The following CDIN1 variants were observed in gnomAD, a reference collection of about 807,000 sequenced individuals.
CDIN1 encodes the protein CDAN1 interacting nuclease 1, also known as CDAN1-interacting nuclease 1.
Under a neutral mutation model 45.3 loss-of-function variants are expected in CDIN1, and 33 were observed. That is an observed-to-expected ratio of 0.73 (90% CI 0.55 to 0.97). CDIN1 has a LOEUF of 0.97. CDIN1 is among the 50% of genes least tolerant of loss of function. CDIN1 has a pLI of 0.00. For missense variants in CDIN1, 303 were observed against 339.4 expected, an observed-to-expected ratio of 0.89 and a Z score of 0.84; for synonymous variants, 118 against 124.4, an observed-to-expected ratio of 0.95 and a Z score of 0.34.
At chr15:36,692,016 T>TTTTTTTTG in intron 6 of CDIN1, 110 bp from the exon 7 acceptor site, 3 of 521,030 alleles carry the variant, frequency 5.8e-6, no homozygotes, top group South Asian at 4.3e-5. Flanking sequence ...TTTCTTTTTT[T>TTTTTTTTG]GGGGGGCGGG....
At position 36,797,848 on chromosome 15, in the gene CDIN1, T is replaced by TG. The variant is rs1329475472; in HGVS notation, c.717-10475dup. Among the ~76,000 whole-genome samples, 88 of 151,568 alleles carry TG rather than the reference T, an allele frequency of 5.8e-4. 1 individual carries two copies. The highest frequency in any genetic ancestry group is 1.8e-3 in the African/African-American group (74 of 41,312). ...TACAAAAATTAGCTGGGCATGGTGG[T>TG]GCATGCCTGTAGTCCCAGCTCCTCA... On this transcript the variant is annotated intron_variant, in intron 10 of 10. Coordinates refer to ENST00000566621, the MANE Select transcript of CDIN1 (RefSeq NM_001321759.2).
At chr15:36,597,338 C>A (rs1566820720) in intron 1 of CDIN1, among the ~76,000 whole-genome samples, 1 of 152,196 alleles carries the variant, frequency 6.6e-6, no homozygotes, top group Non-Finnish European at 1.5e-5. Flanking sequence ...TTTCTCAATG[C>A]TCTCAGTGAC....
chr15:36,597,245 C>T (rs1370007083), intron 1 of CDIN1, among the ~76,000 whole-genome samples: 1 of 152,108 alleles, frequency 6.6e-6, no homozygotes, highest in Admixed American at 6.6e-5. Context: ...AGGTAAAATA[C>T]ATTGCTTGTT....
At chr15:36,649,026 C>G (rs2040467780) in intron 3 of CDIN1, among the ~76,000 whole-genome samples, 1 of 152,128 alleles carries the variant, frequency 6.6e-6, no homozygotes, top group African/African-American at 2.4e-5. Flanking sequence ...TTGTATTTAT[C>G]TTTTCTGGAA....
intron 1 of CDIN1, chr15:36,613,405 A>G: frequency 8.4e-7 from 1 of 1,187,266 alleles, no homozygotes; most frequent in Non-Finnish European, 1.2e-6. Context: ...TCAGTTTTGG[A>G]GAGGAGGCTG....
chr15:36,666,937 T>C (rs1428906852), intron 5 of CDIN1, among the ~76,000 whole-genome samples: 1 of 152,192 alleles, frequency 6.6e-6, no homozygotes, highest in African/African-American at 2.4e-5. Flanking sequence ...AACAACTTTA[T>C]AAGTCAAGTA....
chr15:36,682,600 A>C (rs906418398), intron 5 of CDIN1, among the ~76,000 whole-genome samples: 22 of 85,590 alleles, frequency 2.6e-4, no homozygotes, highest in African/African-American at 6.0e-4. Context: ...CTGTCTCTAC[A>C]AAAAAAAAAA....
intron 1 of CDIN1, among the ~76,000 whole-genome samples, chr15:36,621,604 CATCTATGATAA>C (rs1488337036): frequency 6.6e-6 from 1 of 152,156 alleles, no homozygotes; most frequent in Non-Finnish European, 1.5e-5. Flanking sequence ...TCATTGACTA[CATCTATGATAA>C]AAGTGCTTAT....
At chr15:36,724,273 T>C (rs2043540418) in intron 10 of CDIN1, among the ~76,000 whole-genome samples, 1 of 152,172 alleles carries the variant, frequency 6.6e-6, no homozygotes, top group Admixed American at 6.6e-5. Flanking sequence ...AAATAATCCA[T>C]TAATTCCCCA....
chr15:36,635,353 T>G (rs1475163705), intron 1 of CDIN1, among the ~76,000 whole-genome samples: 1 of 152,234 alleles, frequency 6.6e-6, no homozygotes, highest in Non-Finnish European at 1.5e-5. Context: ...CAACATGGGT[T>G]TGAACTGTGT....
chr15:36,728,356 G>C (rs2043714586), intron 10 of CDIN1, among the ~76,000 whole-genome samples: 1 of 151,936 alleles, frequency 6.6e-6, no homozygotes, highest in Non-Finnish European at 1.5e-5. Context: ...AAATAGTTCT[G>C]CCCTGGAAGA....
At chr15:36,709,817 C>A in intron 9 of CDIN1, 39 bp from the exon 10 acceptor site, 1 of 1,535,714 alleles carries the variant, frequency 6.5e-7, no homozygotes, top group Non-Finnish European at 9.0e-7. Context: ...TCAATCTTCC[C>A]CTCCCTTCTC....
rs1269652777 is a variant in CDIN1 at position 36,685,058 on chromosome 15, GC to G, written c.347-6626del. Among the ~76,000 whole-genome samples the G allele has an allele frequency of 1.8e-4, 27 of 151,936 alleles. No homozygotes were observed. The South Asian group carries it at 2.7e-3, about 15-fold the overall frequency. ...CCTGGATTCATTAATTTTTTGAAGG[GC>G]TTTTTGTGTCTCTATTTCCTTCAGT... On this transcript the variant is annotated intron_variant, in intron 5 of 10. Transcript: ENST00000566621.
intron 1 of CDIN1, chr15:36,618,127 T>C (rs984137323): frequency 2.8e-6 from 2 of 723,432 alleles, no homozygotes; most frequent in Non-Finnish European, 5.1e-6. Context: ...ATGGTAGTTT[T>C]GTGAATGGCA....
At chr15:36,693,907 T>A (rs2042334447) in intron 7 of CDIN1, among the ~76,000 whole-genome samples, 1 of 152,190 alleles carries the variant, frequency 6.6e-6, no homozygotes, top group Admixed American at 6.6e-5. Flanking sequence ...ACTTTCCTTT[T>A]TTGGTTGTGT....
At chr15:36,659,309 A>G (rs2040899920) in intron 5 of CDIN1, among the ~76,000 whole-genome samples, 1 of 152,162 alleles carries the variant, frequency 6.6e-6, no homozygotes, top group Non-Finnish European at 1.5e-5. Flanking sequence ...ATTTTGTACC[A>G]TTTTATACAG....
At chr15:36,767,230 A>C (rs2053950652) in intron 10 of CDIN1, among the ~76,000 whole-genome samples, 1 of 152,134 alleles carries the variant, frequency 6.6e-6, no homozygotes, top group Non-Finnish European at 1.5e-5. Context: ...ATCTTGGGAA[A>C]GTTTCCTTCC....
At chr15:36,760,047 T>C (rs551586611) in intron 10 of CDIN1, among the ~76,000 whole-genome samples, 17 of 152,310 alleles carry the variant, frequency 1.1e-4, no homozygotes, top group African/African-American at 3.6e-4. Context: ...AGAGTACTTA[T>C]GTGTTTTTTA....
At chr15:36,734,796 A>G (rs16963969) in intron 10 of CDIN1, among the ~76,000 whole-genome samples, 5,718 of 152,224 alleles carry the variant, frequency 0.038, 381 homozygotes, top group African/African-American at 0.13. Context: ...CAGTGTTGCT[A>G]TTTTTCCAAC....
Sources: allele counts gnomAD v4.1 joint callset (sites outside exome capture counted in the v4.1 genomes callset), GRCh38; gene constraint gnomAD v4.1.1; transcripts MANE v1.5; gene names NCBI Gene and HGNC (gene_info 2026-07-23, HGNC 2026-07-21).